CLASP2: variants seen among roughly 807,000 people sequenced by gnomAD.
The protein encoded by CLASP2 is CLIP-associating protein 2.
A neutral mutation model predicts 194.4 loss-of-function variants in CLASP2; 47 were observed. The observed-to-expected ratio is 0.24, with a 90% CI of 0.19 to 0.31. CLASP2 has a LOEUF of 0.31. Among genes scored for constraint, CLASP2 ranks in the 10% least tolerant of loss-of-function variants. CLASP2 has a pLI of 1.00. For missense variants in CLASP2, 1,445 were observed against 1,823.6 expected, an observed-to-expected ratio of 0.79 and a Z score of 3.78; for synonymous variants, 619 against 633.5, an observed-to-expected ratio of 0.98 and a Z score of 0.34.
At chr3:33,693,034 T>C (rs1175550701) in intron 2 of CLASP2, among the ~76,000 whole-genome samples, 1 of 152,148 alleles carries the variant, frequency 6.6e-6, no homozygotes, top group African/African-American at 2.4e-5. Flanking sequence ...TTATAAGATA[T>C]GAGATCCTTT....
intron 27 of CLASP2, among the ~76,000 whole-genome samples, chr3:33,564,815 C>G (rs1001538414): frequency 6.6e-6 from 1 of 152,096 alleles, no homozygotes; most frequent in Non-Finnish European, 1.5e-5. Flanking sequence ...GTCTTGAACT[C>G]CTGGCCTTAA....
chr3:33,513,251 A>C (rs116838316), intron 36 of CLASP2, among the ~76,000 whole-genome samples: 1 of 152,220 alleles, frequency 6.6e-6, no homozygotes, highest in African/African-American at 2.4e-5. Flanking sequence ...ACAGAAAACA[A>C]AACTGGGTCA....
intron 33 of CLASP2, 63 bp from the exon 34 acceptor site, chr3:33,535,524 C>T: frequency 7.8e-7 from 1 of 1,283,104 alleles, no homozygotes; most frequent in Non-Finnish European, 1.1e-6. Context: ...ATTTAACATT[C>T]TAAAAAGATA....
chr3:33,500,092 G>A (rs190597580), intron 38 of CLASP2, among the ~76,000 whole-genome samples: 1 of 152,140 alleles, frequency 6.6e-6, no homozygotes, highest in African/African-American at 2.4e-5. Context: ...GAATGCAGTG[G>A]TGTGATCACG....
intron 8 of CLASP2, among the ~76,000 whole-genome samples, chr3:33,634,998 C>T (rs189124892): frequency 6.6e-6 from 1 of 152,102 alleles, no homozygotes; most frequent in African/African-American, 2.4e-5. Flanking sequence ...CAGTGGCTCA[C>T]ACCTGTAATC....
intron 37 of CLASP2, chr3:33,502,724 C>G (rs564220474): frequency 6.6e-6 from 1 of 152,296 alleles, no homozygotes; most frequent in African/African-American, 2.4e-5. Flanking sequence ...TAGAGCTCAT[C>G]TCCACTAAAA....
At chr3:33,521,978 C>T (rs1349304222) in intron 34 of CLASP2, among the ~76,000 whole-genome samples, 1 of 152,118 alleles carries the variant, frequency 6.6e-6, no homozygotes, top group African/African-American at 2.4e-5. Flanking sequence ...GAAAAAAGAA[C>T]CTTATCCTGC....
At chr3:33,604,093 T>G in intron 17 of CLASP2, 61 bp downstream of exon 17, 1 of 1,269,964 alleles carries the variant, frequency 7.9e-7, no homozygotes, top group Non-Finnish European at 1.1e-6. Context: ...ATCAAAAGAG[T>G]TTGAAGGCTA....
intron 6 of CLASP2, among the ~76,000 whole-genome samples, chr3:33,670,239 G>A (rs1159300171): frequency 6.6e-6 from 1 of 152,086 alleles, no homozygotes; most frequent in African/African-American, 2.4e-5. Flanking sequence ...TTAGAAGTCA[G>A]GATTGTGGTT....
At chr3:33,561,257 T>G (rs182149680) in intron 27 of CLASP2, among the ~76,000 whole-genome samples, 13 of 152,334 alleles carry the variant, frequency 8.5e-5, no homozygotes, top group African/African-American at 2.6e-4. Flanking sequence ...TTATCAATGA[T>G]GCCACAGCTT....
chr3:33,651,512 A>T (rs1334686650), intron 7 of CLASP2, among the ~76,000 whole-genome samples: 1 of 152,102 alleles, frequency 6.6e-6, no homozygotes, highest in Non-Finnish European at 1.5e-5. Flanking sequence ...AATCTAATAC[A>T]TTCTGAATTC....
intron 6 of CLASP2, among the ~76,000 whole-genome samples, chr3:33,670,413 C>T (rs1441432156): frequency 1.3e-5 from 2 of 152,090 alleles, no homozygotes; most frequent in Admixed American, 1.3e-4. Flanking sequence ...GTATGGAGTT[C>T]CTAGCTGAAT....
intron 1 of CLASP2, among the ~76,000 whole-genome samples, chr3:33,704,716 G>A (rs536809883): frequency 1.3e-5 from 2 of 152,108 alleles, no homozygotes; most frequent in Admixed American, 1.3e-4. Flanking sequence ...TTGCACCACT[G>A]CACTCCAGCT....
At chr3:33,614,948 G>A (rs2154269669) in intron 12 of CLASP2, among the ~76,000 whole-genome samples, 1 of 152,248 alleles carries the variant, frequency 6.6e-6, no homozygotes, top group Admixed American at 6.5e-5. Flanking sequence ...TGGAGATGGT[G>A]CCACTGGAGT....
intron 1 of CLASP2, among the ~76,000 whole-genome samples, chr3:33,712,757 G>GT (rs1331962254): frequency 1.3e-5 from 2 of 152,054 alleles, no homozygotes; most frequent in Non-Finnish European, 2.9e-5. Context: ...GAGGTCAGGA[G>GT]TTTGAGACCA....
chr3:33,535,490 A>C (rs778343049), intron 33 of CLASP2, 29 bp from the exon 34 acceptor site: 55 of 1,527,554 alleles, frequency 3.6e-5, no homozygotes, highest in Non-Finnish European at 4.8e-5. Context: ...AGCCACAGCA[A>C]ATTAACTCAT....
chr3:33,507,659 T>C (rs1235871307), intron 37 of CLASP2, among the ~76,000 whole-genome samples: 2 of 152,008 alleles, frequency 1.3e-5, no homozygotes, highest in Non-Finnish European at 2.9e-5. Context: ...TTTTTAAAAT[T>C]TTTTTGTAGC....
At chr3:33,619,885 G>A in intron 11 of CLASP2, 147 bp from the exon 12 acceptor site, 2 of 649,140 alleles carry the variant, frequency 3.1e-6, no homozygotes, top group Non-Finnish European at 4.6e-6. Flanking sequence ...AGAAAGAAAG[G>A]GAAACCTAGA....
At chr3:33,584,951 C>T (rs1202248813) in intron 21 of CLASP2, 31 bp from the exon 22 acceptor site, 2 of 1,543,662 alleles carry the variant, frequency 1.3e-6, no homozygotes, top group Non-Finnish European at 1.7e-6. Flanking sequence ...CAAATGTTAA[C>T]ATGTAAATGC....
Sources: gnomAD v4.1 joint callset for allele counts (sites outside exome capture counted in the v4.1 genomes callset) on GRCh38, gnomAD v4.1.1 for gene constraint, MANE v1.5 for transcripts, NCBI Gene and HGNC (gene_info 2026-07-23, HGNC 2026-07-21) for gene names.